Variants in COL5A1 observed in about 807,000 individuals in gnomAD.
COL5A1 encodes collagen alpha-1(V) chain.
In COL5A1, 16 loss-of-function variants were observed where a neutral mutation model predicts 263.7. The observed-to-expected ratio is 0.06, with a 90% confidence interval of 0.04 to 0.09. The LOEUF (loss-of-function observed/expected upper bound fraction) is 0.09. Ranked by LOEUF, COL5A1 falls within the 10% of genes least tolerant of loss-of-function variation. The pLI is 1.00. For synonymous variants in COL5A1, 1,012 were observed against 1,004.5 expected (o/e 1.01, Z -0.14); for missense variants, 2,036 against 2,540.5 (o/e 0.80, Z 4.27).
intron 11 of COL5A1, among the ~76,000 whole-genome samples, chr9:134,746,998 G>A (rs1835539416): frequency 6.6e-6 from 1 of 152,216 alleles, no homozygotes; most frequent in African/African-American, 2.4e-5. Flanking sequence ...AGGGGTCAAA[G>A]TCTTTACGTT....
chr9:134,731,573 G>T lies in COL5A1; in HGVS notation c.1242G>T (p.Glu414Asp). 6.2e-7 allele frequency: 1 copy of T among 1,614,188 alleles called. No homozygotes were observed. The highest frequency in any genetic ancestry group is 1.1e-5 in the South Asian group (1 of 91,082). ...FTEETIRNLD[E>D]NYYDPYYDPT... is the part of the protein sequence containing the mutation. ...AGGAAACGATCCGGAACCTTGACGA[G>T]AACTACTACGACCCCTACTACGACC... The change falls in exon 8 of 66, where the codon GAG (glutamate) becomes GAT (aspartate). Residue 414 changes from glutamate (E) to aspartate (D), a missense_variant. Glu to Asp is a conservative substitution (Grantham distance 45). Around this residue, in one of 3 missense-constraint regions of COL5A1, gnomAD observed 600 missense variants for 634.5 expected, o/e 0.95. Coordinates refer to ENST00000371817, the MANE Select transcript of COL5A1 (RefSeq NM_000093.5).
intron 1 of COL5A1, among the ~76,000 whole-genome samples, chr9:134,665,828 C>T (rs1028682732): frequency 2.6e-5 from 4 of 152,246 alleles, no homozygotes; most frequent in African/African-American, 9.6e-5. Flanking sequence ...TGGTTCACGC[C>T]TCTAATCCCA....
At chr9:134,748,824 C>T (rs996819998) in intron 11 of COL5A1, among the ~76,000 whole-genome samples, 2 of 152,100 alleles carry the variant, frequency 1.3e-5, no homozygotes, top group African/African-American at 4.8e-5. Context: ...CGGCAGAAGA[C>T]GGGTTAAATA....
chr9:134,693,693 G>A (rs955886578), intron 2 of COL5A1, among the ~76,000 whole-genome samples: 1 of 152,114 alleles, frequency 6.6e-6, no homozygotes, highest in Non-Finnish European at 1.5e-5. Flanking sequence ...CGCCCCTTCC[G>A]CCCGGCCCTC....
At chr9:134,734,042 C>G (rs1350800679) in intron 9 of COL5A1, among the ~76,000 whole-genome samples, 1 of 152,076 alleles carries the variant, frequency 6.6e-6, no homozygotes, top group Non-Finnish European at 1.5e-5. Context: ...TTTGAATGAG[C>G]TTCGTGTTGG....
rs1422097890 is a variant in COL5A1 at position 134,767,344 on chromosome 9, C to T, written c.2222C>T (p.Pro741Leu). The T allele has an allele frequency of 5.6e-6, 9 of 1,614,082 alleles. No individual in the cohort carries two copies. Among genetic ancestry groups the T allele is most frequent in the Non-Finnish European group, 5.1e-6 (6 of 1,180,024 alleles). ...GGCCCCCAGGGTGCAATTGGTCCTC[C>T]AGGAGAAAAGGTAGGTGGGCCTGGG... is the stretch of plus-strand genomic sequence containing the variant. ...LPGPQGAIGPPGEKGPLGKPG... is the reference protein window; with the variant it reads ...LPGPQGAIGPLGEKGPLGKPG... The change falls in exon 24 of 66, where the codon CCA (proline) becomes CTA (leucine). Residue 741 changes from proline to leucine, a missense_variant. By Grantham distance (98) the Pro-to-Leu change is moderately conservative (BLOSUM62 -3). Transcript: ENST00000371817.
chr9:134,713,251 G>A (rs1404511309), intron 4 of COL5A1, among the ~76,000 whole-genome samples: 2 of 152,258 alleles, frequency 1.3e-5, no homozygotes, highest in Admixed American at 1.3e-4. Flanking sequence ...GCTTCATGCT[G>A]TCAGGGAGGC....
chr9:134,643,182 A>T (rs1348329790), intron 1 of COL5A1, among the ~76,000 whole-genome samples: 1 of 151,864 alleles, frequency 6.6e-6, no homozygotes, highest in Non-Finnish European at 1.5e-5. Flanking sequence ...CAGCTTCCTG[A>T]CGGGGGAGTT....
intron 2 of COL5A1, among the ~76,000 whole-genome samples, chr9:134,697,110 C>T (rs530111858): frequency 2.0e-5 from 3 of 152,026 alleles, no homozygotes; most frequent in South Asian, 2.1e-4. Context: ...AGTCCGGAGC[C>T]CACCCCTCAA....
At position 134,821,864 on chromosome 9, in the gene COL5A1, C is replaced by G. The variant is rs186814483; in HGVS notation, c.4555-233C>G. On this transcript the variant is annotated intron_variant, in intron 58 of 65. Transcript: ENST00000371817. This position sits in a 1 kb window ranked among gnomAD's most constrained non-coding sequence, Gnocchi z 4.2. ...GAGAGTGAGTTCCTGGCAGCCCAGC[C>G]GGGGGAGCAGTGCCGAGGGCTGGCA... Among the ~76,000 whole-genome samples the G allele has an allele frequency of 6.6e-6, 1 of 152,192 alleles. No homozygotes were observed. The highest frequency in any genetic ancestry group is 1.9e-4 in the East Asian group (1 of 5,186).
Position 134,642,152 on chromosome 9 carries a change from AGCGCCCCTGTGCGCCCCGGCCC to A in COL5A1, c.-28_-7del, listed in dbSNP as rs1554772545. On this transcript the variant is annotated 5_prime_UTR_variant, in exon 1 of 66. Coordinates refer to ENST00000371817, the MANE Select transcript of COL5A1 (RefSeq NM_000093.5). This position sits in a 1 kb window ranked among gnomAD's most constrained non-coding sequence, Gnocchi z 4.5. ...CCCTGTGCGTCCCCGCGCGCCTCCG[AGCGCCCCTGTGCGCCCCGGCCC>A]GCGCCCCGCCGGCATGGACGTCCAT... is the stretch of plus-strand genomic sequence containing the variant. 1.6e-6 allele frequency: 2 copies of A among 1,238,706 alleles called. No individual in the cohort carries two copies. Among genetic ancestry groups the A allele is most frequent in the Admixed American group, 8.5e-5 (2 of 23,426 alleles). The allele number at this position is 1,238,706 out of a possible 1,614,324, so 76.7% of individuals were successfully genotyped here.
intron 13 of COL5A1, 27 bp from the exon 14 acceptor site, chr9:134,752,562 C>T: frequency 6.2e-7 from 1 of 1,600,928 alleles, no homozygotes; most frequent in Non-Finnish European, 8.6e-7. Context: ...GGGGCCCTGT[C>T]TCAGCGTGTC....
At chr9:134,806,582 G>T (rs1180182046) in intron 42 of COL5A1, among the ~76,000 whole-genome samples, 1 of 152,154 alleles carries the variant, frequency 6.6e-6, no homozygotes, top group Admixed American at 6.5e-5. Flanking sequence ...CTGTCCACGC[G>T]TGCATGCTGG....
chr9:134,807,026 C>A (rs1267056945), intron 42 of COL5A1, among the ~76,000 whole-genome samples: 1 of 152,174 alleles, frequency 6.6e-6, no homozygotes, highest in Non-Finnish European at 1.5e-5. Context: ...TAGATGCTTC[C>A]TGCTAGCCTG....
At position 134,829,853 on chromosome 9, in the gene COL5A1, GC is replaced by G. The variant is rs57187666; in HGVS notation, c.5068-116del. The G allele has an allele frequency of 0.31, 331,793 of 1,086,352 alleles. 52,009 individuals are homozygous for G. Among genetic ancestry groups the G allele is most frequent in the African/African-American group, 0.36 (22,501 of 63,360 alleles). 67.3% of individuals were successfully genotyped at this position (1,086,352 alleles called of 1,614,324 possible). On this transcript the variant is annotated intron_variant, in intron 63 of 65. Coordinates refer to ENST00000371817, the MANE Select transcript of COL5A1 (RefSeq NM_000093.5). ...AGGCGCTCGGTGGGTCCTCCCTGCA[GC>G]CCCCCCGGCGTGAGGATGCAGGCGC...
chr9:134,642,175 G>T lies in COL5A1; in HGVS notation c.-13G>T, dbSNP rs935543789. ...CGAGCGCCCCTGTGCGCCCCGGCCCGCGCCCCGCCGGCATGGACGTCCATA... is the reference window on the plus strand; with the variant it reads ...CGAGCGCCCCTGTGCGCCCCGGCCCTCGCCCCGCCGGCATGGACGTCCATA... On this transcript the variant is annotated 5_prime_UTR_variant, in exon 1 of 66. Coordinates refer to ENST00000371817, the MANE Select transcript of COL5A1 (RefSeq NM_000093.5). The surrounding 1 kb of genome is among the most constrained non-coding windows in gnomAD (Gnocchi z 4.5). 8.0e-7 allele frequency: 1 copy of T among 1,253,052 alleles called. No homozygotes were observed. The highest frequency in any genetic ancestry group is 1.0e-6 in the Non-Finnish European group (1 of 1,003,408). The allele number at this position is 1,253,052 out of a possible 1,614,324, so 77.6% of individuals were successfully genotyped here.
At position 134,716,579 on chromosome 9, in the gene COL5A1, G is replaced by C. The variant is rs148843358; in HGVS notation, c.655-10687G>C. ...GAGGTGAACCCCCACCCTTTGGAGA[G>C]AGCAAGTCTTTGAGGAGGTGGACCT... On this transcript the variant is annotated intron_variant, in intron 4 of 65. Transcript: ENST00000371817. This position sits in a 1 kb window ranked among gnomAD's most constrained non-coding sequence, Gnocchi z 4.5. 2.0e-5 allele frequency among the ~76,000 whole-genome samples: 3 copies of C among 152,292 alleles called. No individual in the cohort carries two copies. In the South Asian group the frequency reaches 6.2e-4, roughly 32 times the overall value.
Position 134,795,249 on chromosome 9 carries a change from C to T in COL5A1, c.2746-13C>T, listed in dbSNP as rs1837857562. ...GGACTTGAGCTGACCTTCCTTCTCT[C>T]CCATCTGTCCAGGGTCCGAGGGGTG... On this transcript the variant is annotated splice_polypyrimidine_tract_variant and intron_variant, in intron 33 of 65. Coordinates refer to ENST00000371817, the MANE Select transcript of COL5A1 (RefSeq NM_000093.5). 1.2e-6 allele frequency: 2 copies of T among 1,613,888 alleles called. No homozygotes were observed. The highest frequency in any genetic ancestry group is 1.3e-5 in the African/African-American group (1 of 74,998).
intron 1 of COL5A1, among the ~76,000 whole-genome samples, chr9:134,661,926 C>G (rs1832217968): frequency 6.6e-6 from 1 of 152,130 alleles, no homozygotes; most frequent in Admixed American, 6.5e-5. Flanking sequence ...GGATGGCATT[C>G]AACTGGACAC....
Sources: allele counts gnomAD v4.1 joint callset (sites outside exome capture counted in the v4.1 genomes callset), GRCh38; gene constraint gnomAD v4.1.1; regional missense constraint gnomAD v4.1.1; non-coding constraint Gnocchi (gnomAD v3.1); transcripts MANE v1.5; gene names NCBI Gene and HGNC (gene_info 2026-07-23, HGNC 2026-07-21).